The following TCF4 variants were observed in gnomAD, a reference collection of about 807,000 sequenced individuals.
TCF4 encodes transcription factor 4.
A neutral mutation model predicts 82.1 loss-of-function variants in TCF4; 3 were observed. That is an observed-to-expected ratio of 0.04 (90% confidence interval 0.02 to 0.09). The LOEUF is 0.09. Among genes scored for constraint, TCF4 ranks in the 10% least tolerant of loss-of-function variants. The pLI, the probability that TCF4 is intolerant of heterozygous loss-of-function variation, is 1.00. For missense variants in TCF4, 518 were observed against 852.7 expected (o/e 0.61, Z 4.89); for synonymous variants, 276 against 309.6 (o/e 0.89, Z 1.14).
At chr18:55,535,617 A>AC (rs1555733800) in intron 3 of TCF4, among the ~76,000 whole-genome samples, 1 of 152,172 alleles carries the variant, frequency 6.6e-6, no homozygotes, top group Non-Finnish European at 1.5e-5. Context: ...AATAAAATAT[A>AC]TTTTTTCTTG....
chr18:55,371,231 ACTTGGT>A (rs2089056199), intron 6 of TCF4, among the ~76,000 whole-genome samples: 1 of 152,156 alleles, frequency 6.6e-6, no homozygotes, highest in Non-Finnish European at 1.5e-5. Context: ...AGTTTGTGAT[ACTTGGT>A]CTTGGTAGAA....
intron 3 of TCF4, among the ~76,000 whole-genome samples, chr18:55,473,740 T>C (rs1488897148): frequency 6.6e-6 from 1 of 152,188 alleles, no homozygotes; most frequent in Non-Finnish European, 1.5e-5. Flanking sequence ...AAGGCTTAAT[T>C]AAGTAACACT....
intron 3 of TCF4, among the ~76,000 whole-genome samples, chr18:55,548,318 C>T (rs2097224246): frequency 6.6e-6 from 1 of 152,168 alleles, no homozygotes; most frequent in Non-Finnish European, 1.5e-5. Flanking sequence ...AAATGATTTG[C>T]AAAATAATTA....
At chr18:55,491,520 C>G (rs1318202443) in intron 3 of TCF4, among the ~76,000 whole-genome samples, 1 of 152,146 alleles carries the variant, frequency 6.6e-6, no homozygotes, top group Non-Finnish European at 1.5e-5. Context: ...GTTTCCTTAC[C>G]ATCTTTCCTT....
At chr18:55,451,299 A>G (rs145427386) in intron 5 of TCF4, among the ~76,000 whole-genome samples, 1 of 152,338 alleles carries the variant, frequency 6.6e-6, no homozygotes, top group East Asian at 1.9e-4. Context: ...CACAGTGATT[A>G]CAAAGTGTAT....
At chr18:55,334,000 G>A (rs2078115815) in intron 8 of TCF4, among the ~76,000 whole-genome samples, 1 of 152,006 alleles carries the variant, frequency 6.6e-6, no homozygotes, top group Non-Finnish European at 1.5e-5. Context: ...GTCTCAAGTA[G>A]TATTGATTTA....
At chr18:55,547,665 G>C (rs868089917) in intron 3 of TCF4, among the ~76,000 whole-genome samples, 7 of 152,096 alleles carry the variant, frequency 4.6e-5, no homozygotes, top group Middle Eastern at 3.2e-3. Flanking sequence ...TACTTCCTAG[G>C]CCATCTTTTT....
chr18:55,620,080 T>C (rs2097716161), intron 2 of TCF4, among the ~76,000 whole-genome samples: 1 of 152,138 alleles, frequency 6.6e-6, no homozygotes, highest in Non-Finnish European at 1.5e-5. Flanking sequence ...TGTTTGGTAG[T>C]TCTTCCTGCA....
chr18:55,448,847 C>T (rs372363571), intron 5 of TCF4, among the ~76,000 whole-genome samples: 2 of 152,056 alleles, frequency 1.3e-5, no homozygotes, highest in East Asian at 1.9e-4. Flanking sequence ...AGAGAACAGC[C>T]GTAAATTTTT....
intron 5 of TCF4, among the ~76,000 whole-genome samples, chr18:55,451,672 T>C (rs746193246): frequency 1.3e-4 from 20 of 152,220 alleles, no homozygotes; most frequent in African/African-American, 1.9e-4. Context: ...ACTATACTGA[T>C]GTTATTCTCC....
intron 8 of TCF4, among the ~76,000 whole-genome samples, chr18:55,319,169 C>T (rs1478674386): frequency 6.6e-6 from 1 of 152,142 alleles, no homozygotes; most frequent in Non-Finnish European, 1.5e-5. Context: ...CACAAAAAAG[C>T]ATAGATATTC....
intron 8 of TCF4, among the ~76,000 whole-genome samples, chr18:55,343,387 C>G (rs2080445699): frequency 6.6e-6 from 1 of 152,106 alleles, no homozygotes. Flanking sequence ...CTTCTTATTA[C>G]TCTGGAAGTA....
At chr18:55,232,765 G>C in intron 16 of TCF4, 94 bp from the exon 17 acceptor site, 1 of 1,478,206 alleles carries the variant, frequency 6.8e-7, no homozygotes, top group South Asian at 1.2e-5. Context: ...TCATACTGCT[G>C]AACTGTGATC....
chr18:55,327,591 A>C (rs548183854), intron 8 of TCF4, among the ~76,000 whole-genome samples: 6 of 152,262 alleles, frequency 3.9e-5, no homozygotes, highest in African/African-American at 1.4e-4. Flanking sequence ...GGTTTATCAC[A>C]TGATCAAATA....
chr18:55,358,457 T>G (rs901265605), intron 6 of TCF4, among the ~76,000 whole-genome samples: 3 of 152,226 alleles, frequency 2.0e-5, no homozygotes, highest in Admixed American at 1.3e-4. Flanking sequence ...TCACAGTGTC[T>G]GCTAAGTGCC....
At chr18:55,338,580 T>C (rs1167760475) in intron 8 of TCF4, among the ~76,000 whole-genome samples, 1 of 152,232 alleles carries the variant, frequency 6.6e-6, no homozygotes, top group Admixed American at 6.5e-5. Flanking sequence ...TAGTAAATGC[T>C]AGTAAGTAAA....
intron 3 of TCF4, among the ~76,000 whole-genome samples, chr18:55,556,859 T>A (rs1436066653): frequency 6.6e-6 from 1 of 152,240 alleles, no homozygotes; most frequent in Admixed American, 6.5e-5. Context: ...GAGAATTCTG[T>A]TGACATTTTA....
At chr18:55,520,410 T>C (rs1447064215) in intron 3 of TCF4, among the ~76,000 whole-genome samples, 2 of 152,302 alleles carry the variant, frequency 1.3e-5, no homozygotes, top group African/African-American at 2.4e-5. Context: ...ATATATGGCA[T>C]GTGCACATGG....
chr18:55,548,898 G>A (rs946541885), intron 3 of TCF4, among the ~76,000 whole-genome samples: 1 of 152,230 alleles, frequency 6.6e-6, no homozygotes, highest in Non-Finnish European at 1.5e-5. Context: ...CTTTAGGTGA[G>A]TCATGAGTGA....
Sources: gnomAD v4.1 joint callset for allele counts (sites outside exome capture counted in the v4.1 genomes callset) on GRCh38, gnomAD v4.1.1 for gene constraint, MANE v1.5 for transcripts, NCBI Gene and HGNC (gene_info 2026-07-23, HGNC 2026-07-21) for gene names.